The following HLCS variants were observed in gnomAD, a reference collection of about 807,000 sequenced individuals.
HLCS encodes the protein holocarboxylase synthetase.
HLCS carries 53 observed loss-of-function variants against 75.0 expected under a neutral mutation model. The ratio of observed to expected loss-of-function variants is 0.71; its 90% CI spans 0.57 to 0.89. HLCS has a LOEUF of 0.89. Among genes scored for constraint, HLCS ranks in the 40% least tolerant of loss-of-function variants. The probability of loss-of-function intolerance (pLI) is 0.00; values close to 1 mark genes in which losing one functional copy is unlikely to be tolerated. For synonymous variants in HLCS, 431 were observed against 428.6 expected (o/e 1.01, Z -0.07); for missense variants, 966 against 1,074.0 (o/e 0.90, Z 1.41).
At chr21:36,985,539 G>A (rs1406609488) in intron 1 of HLCS, among the ~76,000 whole-genome samples, 24 of 152,150 alleles carry the variant, frequency 1.6e-4, no homozygotes, top group Admixed American at 1.4e-3. Context: ...AGGCCGAGGC[G>A]GGCAGATCAC....
In HLCS at chr21:36,751,011, T is replaced by C. The variant is rs1270053257; in HGVS notation, c.*3235A>G. The C allele has an allele frequency of 6.7e-6, 1 of 150,296 alleles. No individual in the cohort carries two copies. The highest frequency in any genetic ancestry group is 6.6e-5 in the Admixed American group (1 of 15,112). The allele number at this position is 150,296 out of a possible 1,614,324, so 9.3% of individuals were successfully genotyped here. A position where few individuals can be genotyped will look rare whatever the true frequency, so the allele number is the denominator to read the frequency against. On this transcript the variant is annotated 3_prime_UTR_variant, in exon 11 of 11. Transcript: ENST00000674895. ...GTATGGCGCTGAATACATTTGTCAA[T>C]AATACGTCAAAAAAAAAAACACTTG... is the stretch of plus-strand genomic sequence containing the variant.
intron 6 of HLCS, among the ~76,000 whole-genome samples, chr21:36,882,243 C>T (rs2064253114): frequency 6.6e-6 from 1 of 151,852 alleles, no homozygotes; most frequent in Non-Finnish European, 1.5e-5. Context: ...GATTGTGCCA[C>T]TGCACTCCAG....
At chr21:36,793,999 C>A (rs942875891) in intron 6 of HLCS, among the ~76,000 whole-genome samples, 6 of 152,232 alleles carry the variant, frequency 3.9e-5, no homozygotes, top group Non-Finnish European at 8.8e-5. Flanking sequence ...AATGTGCTTT[C>A]AGACCTGCCC....
chr21:36,792,570 C>T (rs1360520177), intron 6 of HLCS, among the ~76,000 whole-genome samples: 3 of 152,116 alleles, frequency 2.0e-5, no homozygotes, highest in Non-Finnish European at 4.4e-5. Flanking sequence ...GAGTGAGCTG[C>T]TACTTATGAT....
chr21:36,969,374 G>A (rs1310527446), upstream of HLCS, among the ~76,000 whole-genome samples: 1 of 152,084 alleles, frequency 6.6e-6, no homozygotes, highest in Non-Finnish European at 1.5e-5. Context: ...GCATCACTTG[G>A]AAGCTCGCAA....
At chr21:36,953,192 C>A (rs1185778285) in intron 2 of HLCS, among the ~76,000 whole-genome samples, 1 of 152,082 alleles carries the variant, frequency 6.6e-6, no homozygotes, top group Non-Finnish European at 1.5e-5. Flanking sequence ...AAACTTCTGG[C>A]CTAAAGTGAT....
intron 6 of HLCS, among the ~76,000 whole-genome samples, chr21:36,875,155 C>A (rs2063919941): frequency 6.6e-6 from 1 of 152,152 alleles, no homozygotes; most frequent in African/African-American, 2.4e-5. Context: ...GACAGCTGGG[C>A]ACCACGGACA....
chr21:36,802,313 T>C (rs972731285), intron 6 of HLCS, among the ~76,000 whole-genome samples: 1 of 152,198 alleles, frequency 6.6e-6, no homozygotes, highest in Non-Finnish European at 1.5e-5. Flanking sequence ...TTCATGTCCA[T>C]CTGTCTGTTG....
chr21:36,778,141 T>TG (rs2060418699), intron 6 of HLCS, among the ~76,000 whole-genome samples: 2 of 151,186 alleles, frequency 1.3e-5, no homozygotes, highest in Admixed American at 6.6e-5. Context: ...GCTAATTTTT[T>TG]TGTATTTTTA....
At chr21:36,939,613 G>A (rs1313055815) in intron 2 of HLCS, among the ~76,000 whole-genome samples, 2 of 152,140 alleles carry the variant, frequency 1.3e-5, no homozygotes, top group Non-Finnish European at 2.9e-5. Context: ...GGAGGTTCAC[G>A]TTCCTACCAC....
chr21:36,801,506 A>G (rs1036423280), intron 6 of HLCS, among the ~76,000 whole-genome samples: 34 of 152,386 alleles, frequency 2.2e-4, no homozygotes, highest in African/African-American at 7.2e-4. Context: ...ACATAGATCA[A>G]GGCCACATCT....
chr21:36,818,354 C>T (rs1412058132), intron 6 of HLCS, among the ~76,000 whole-genome samples: 1 of 152,190 alleles, frequency 6.6e-6, no homozygotes, highest in Non-Finnish European at 1.5e-5. Context: ...CATTAAAATT[C>T]TCAACAACTT....
chr21:36,919,254 T>C (rs1272910422), intron 5 of HLCS, among the ~76,000 whole-genome samples: 1 of 152,248 alleles, frequency 6.6e-6, no homozygotes, highest in Non-Finnish European at 1.5e-5. Flanking sequence ...TTTGAAATTT[T>C]CTATGAAATG....
chr21:36,846,543 C>G (rs1364255804), intron 6 of HLCS, among the ~76,000 whole-genome samples: 1 of 152,004 alleles, frequency 6.6e-6, no homozygotes, highest in Non-Finnish European at 1.5e-5. Context: ...TTATTATTTG[C>G]TTTGTTTTTG....
At chr21:36,843,251 A>C (rs2062676279) in intron 6 of HLCS, among the ~76,000 whole-genome samples, 2 of 152,072 alleles carry the variant, frequency 1.3e-5, no homozygotes, top group African/African-American at 4.8e-5. Context: ...CCAGCCTGGG[A>C]AACATGGCAA....
chr21:36,872,285 T>A (rs1471599441), intron 6 of HLCS, among the ~76,000 whole-genome samples: 1 of 150,682 alleles, frequency 6.6e-6, no homozygotes, highest in Non-Finnish European at 1.5e-5. Context: ...TAGCCAGGCG[T>A]GGTGGCGGGC....
At chr21:36,884,654 C>T (rs559009362) in intron 6 of HLCS, among the ~76,000 whole-genome samples, 1 of 152,330 alleles carries the variant, frequency 6.6e-6, no homozygotes, top group African/African-American at 2.4e-5. Context: ...CTGTCACCCT[C>T]TTTATTGATT....
chr21:36,834,405 C>A (rs775505147), intron 6 of HLCS, among the ~76,000 whole-genome samples: 1 of 152,166 alleles, frequency 6.6e-6, no homozygotes, highest in Non-Finnish European at 1.5e-5. Context: ...CCAAGATGGG[C>A]CAAGCATTGA....
At chr21:36,874,180 T>C (rs904467274) in intron 6 of HLCS, among the ~76,000 whole-genome samples, 2 of 152,124 alleles carry the variant, frequency 1.3e-5, no homozygotes, top group Admixed American at 6.5e-5. Flanking sequence ...CCCATCGGAT[T>C]GCTTTAACAC....
Sources: allele counts gnomAD v4.1 joint callset (sites outside exome capture counted in the v4.1 genomes callset), GRCh38; gene constraint gnomAD v4.1.1; transcripts MANE v1.5; gene names NCBI Gene and HGNC (gene_info 2026-07-23, HGNC 2026-07-21).